Variants in GBA2 observed in about 807,000 individuals in gnomAD.
The protein encoded by GBA2 is non-lysosomal glucosylceramidase.
Under a neutral mutation model 112.9 loss-of-function variants are expected in GBA2, and 79 were observed. The observed-to-expected ratio is 0.70, with a 90% CI of 0.58 to 0.84. GBA2 has a LOEUF of 0.84. GBA2 is among the 40% of genes least tolerant of loss of function. The pLI is 0.00. For missense variants in GBA2, 1,043 were observed against 1,190.0 expected (o/e 0.88, Z 1.82); for synonymous variants, 403 against 434.3 (o/e 0.93, Z 0.90).
Position 35,738,618 on chromosome 9 carries a change from A to G in GBA2, c.1962T>C (p.Ser654=). The change falls in exon 13 of 17, where the codon TCT becomes TCC. Residue 654 remains serine (S), a synonymous_variant. Coordinates refer to ENST00000378103, the MANE Select transcript of GBA2 (RefSeq NM_020944.3). ...CATGGTCCTTGTCAAACTTCATTTC[A>G]GATTCCATCACAGCCTAGAGAGGGA... ...MWPVCLAVME[S]EMKFDKDHDG... is the part of the protein sequence containing the mutation. The G allele has an allele frequency of 6.2e-7, 1 of 1,613,488 alleles. No individual in the cohort carries two copies. Among genetic ancestry groups the G allele is most frequent in the Non-Finnish European group, 8.5e-7 (1 of 1,179,386 alleles).
In GBA2 at chr9:35,744,342, C is replaced by T. The variant is rs1826864808; in HGVS notation, c.522G>A (p.Gln174=). 3 of 1,613,322 alleles carry T rather than the reference C, an allele frequency of 1.9e-6. No individual in the cohort carries two copies. The highest frequency in any genetic ancestry group is 1.3e-5 in the African/African-American group (1 of 74,910). The change falls in exon 3 of 17, where the codon CAG becomes CAA. Residue 174 remains glutamine (Q), a synonymous_variant. Coordinates refer to ENST00000378103, the MANE Select transcript of GBA2 (RefSeq NM_020944.3). ...GGTGCTGATACATTCCAGGGTTAAGCTGCCAACGACAGAACTGGCCTCTCC... is the reference window on the plus strand; with the variant it reads ...GGTGCTGATACATTCCAGGGTTAAGTTGCCAACGACAGAACTGGCCTCTCC... ...RGWRGQFCRW[Q]LNPGMYQHRT...
chr9:35,740,757 A>T lies in GBA2; in HGVS notation c.1026+68T>A. 1 of 1,587,176 alleles carries T rather than the reference A, an allele frequency of 6.3e-7. No homozygotes were observed. The highest frequency in any genetic ancestry group is 8.6e-7 in the Non-Finnish European group (1 of 1,158,682). On this transcript the variant is annotated intron_variant, in intron 5 of 16. Transcript: ENST00000378103. The surrounding 1 kb of genome is among the most constrained non-coding windows in gnomAD (Gnocchi z 4.7). ...GCTTACAGGAGTATGATGAGGGTGG[A>T]TGAAGAGACCATGCTGGGGTGGAGG...
Position 35,748,701 on chromosome 9 carries a change from C to G in GBA2, c.4G>C (p.Gly2Arg). The G allele has an allele frequency of 6.5e-7, 1 of 1,542,184 alleles. No individual in the cohort carries two copies. Among genetic ancestry groups the G allele is most frequent in the Non-Finnish European group, 8.8e-7 (1 of 1,139,302 alleles). The stretch of plus-strand genomic sequence containing the variant: ...CCCATGTTCCCTGGATCCTGGGTCC[C>G]CATGACCTCGATGGCGCCAAGTCCC... M[G>R]TQDPGNMGTG... Residue 2 changes from glycine (G) to arginine (R), a missense_variant, in exon 1 of 17, where the codon GGG becomes CGG. Coordinates refer to ENST00000378103, the MANE Select transcript of GBA2 (RefSeq NM_020944.3).
chr9:35,741,580 G>A lies in GBA2; in HGVS notation c.786+92C>T. The A allele has an allele frequency of 1.2e-6, 1 of 868,576 alleles. No homozygotes were observed. Among genetic ancestry groups the A allele is most frequent in the East Asian group, 2.4e-5 (1 of 41,384 alleles). The allele number at this position is 868,576 out of a possible 1,614,324, so 53.8% of individuals were successfully genotyped here. On this transcript the variant is annotated intron_variant, in intron 4 of 16. Coordinates refer to ENST00000378103, the MANE Select transcript of GBA2 (RefSeq NM_020944.3). This position sits in a 1 kb window ranked among gnomAD's most constrained non-coding sequence, Gnocchi z 4.6. Reference sequence around the variant, plus strand: ...CCCAAAGTGTTGGGATTACAGGCGTGAGCTACCGCGCCTCGCAGGCCATGC... The same window carrying A: ...CCCAAAGTGTTGGGATTACAGGCGTAAGCTACCGCGCCTCGCAGGCCATGC...
rs912152927 is a variant in GBA2, at chr9:35,741,872, G to A, written c.586C>T (p.Arg196Trp). The change falls in exon 4 of 17, where the codon CGG becomes TGG. Residue 196 changes from arginine (R) to tryptophan (W), a missense_variant. Transcript: ENST00000378103. The surrounding 1 kb of genome is among the most constrained non-coding windows in gnomAD (Gnocchi z 4.6). Reference sequence around the variant, plus strand: ...TGCTGGTACACAGTCTGCCCTTCCCGACGCAGGCACACTGTGAACTTAAGA... The same window carrying A: ...TGCTGGTACACAGTCTGCCCTTCCCAACGCAGGCACACTGTGAACTTAAGA... ...IADQFTVCLR[R>W]EGQTVYQQVL... 7 of 1,613,412 alleles carry A rather than the reference G, an allele frequency of 4.3e-6. No homozygotes were observed. Among genetic ancestry groups the A allele is most frequent in the Non-Finnish European group, 5.9e-6 (7 of 1,179,482 alleles).
At position 35,740,315 on chromosome 9, in the gene GBA2, A is replaced by T. The variant is rs753011667; in HGVS notation, c.1177T>A (p.Cys393Ser). Residue 393 changes from cysteine to serine, a missense_variant, in exon 7 of 17, where the codon TGT (cysteine) becomes AGT (serine). Coordinates refer to ENST00000378103, the MANE Select transcript of GBA2 (RefSeq NM_020944.3). The surrounding 1 kb of genome is among the most constrained non-coding windows in gnomAD (Gnocchi z 4.7). ...CGAGGTCGCAACTTGCTGGAAACAC[A>T]CACAGCTCCAGCAATGCCTACTCCT... is the stretch of plus-strand genomic sequence containing the variant. ...QKGVGIAGAV[C>S]VSSKLRPRGQ... The T allele has an allele frequency of 6.2e-7, 1 of 1,613,894 alleles. No homozygotes were observed. Among genetic ancestry groups the T allele is most frequent in the Non-Finnish European group, 8.5e-7 (1 of 1,179,900 alleles).
In GBA2 at chr9:35,737,491, C is replaced by G; in HGVS notation, c.2506-44G>C. Reference sequence around the variant, plus strand: ...GTCATACATACTAACTTGGCACCCTCTGAAGAGCCACTTCCACTGGATAGA... The same window carrying G: ...GTCATACATACTAACTTGGCACCCTGTGAAGAGCCACTTCCACTGGATAGA... On this transcript the variant is annotated intron_variant, in intron 16 of 16. Coordinates refer to ENST00000378103, the MANE Select transcript of GBA2 (RefSeq NM_020944.3). This position sits in a 1 kb window ranked among gnomAD's most constrained non-coding sequence, Gnocchi z 4.1. The G allele has an allele frequency of 6.3e-7, 1 of 1,597,392 alleles. No homozygotes were observed. Among genetic ancestry groups the G allele is most frequent in the Admixed American group, 1.7e-5 (1 of 57,146 alleles).
chr9:35,748,406 GGT>G lies in GBA2; in HGVS notation c.297_298del (p.Lys99AsnfsTer5). On this transcript the variant is annotated frameshift_variant, in exon 1 of 17. Coordinates refer to ENST00000378103, the MANE Select transcript of GBA2 (RefSeq NM_020944.3). LOFTEE classifies it high-confidence loss of function. ...TAGGGAGACGTTGTTAGCTTGAAAG[GGT>G]TTCCTCTTCTCTGTAAACTCATGAG... is the stretch of plus-strand genomic sequence containing the variant. 2 of 1,614,120 alleles carry G rather than the reference GGT, an allele frequency of 1.2e-6. No homozygotes were observed. The highest frequency in any genetic ancestry group is 1.7e-6 in the Non-Finnish European group (2 of 1,179,998).
Position 35,737,214 on chromosome 9 carries a change from AG to A in GBA2, c.2738del (p.Pro913LeufsTer12). Reference protein sequence around the residue: ...VKQGTGLRTGPMFGPKEAMAN... With the variant: ...VKQGTGLRTGXMFGPKEAMAN... The stretch of plus-strand genomic sequence containing the variant: ...CCATGGCTTCCTTTGGTCCAAACAT[AG>A]GCCCTGTCCTTAGTCCTGTGCCCTG... On this transcript the variant is annotated frameshift_variant, in exon 17 of 17. Coordinates refer to ENST00000378103, the MANE Select transcript of GBA2 (RefSeq NM_020944.3). LOFTEE classifies it high-confidence loss of function. This position sits in a 1 kb window ranked among gnomAD's most constrained non-coding sequence, Gnocchi z 4.1. The A allele has an allele frequency of 6.2e-7, 1 of 1,612,372 alleles. No homozygotes were observed. Among genetic ancestry groups the A allele is most frequent in the Non-Finnish European group, 8.5e-7 (1 of 1,180,020 alleles).
chr9:35,738,817 C>T lies in GBA2; in HGVS notation c.1882G>A (p.Val628Ile), dbSNP rs371925764. 1 of 1,614,126 alleles carries T rather than the reference C, an allele frequency of 6.2e-7. No homozygotes were observed. Among genetic ancestry groups the T allele is most frequent in the African/African-American group, 1.3e-5 (1 of 75,054 alleles). ...KDLNLKFVLQ[V>I]YRDYYLTGDQ... Reference sequence around the variant, plus strand: ...CCCGTGAGGTAATAGTCCCGATAAACCTGCAGCACAAACTTCAGGTTCAGG... The same window carrying T: ...CCCGTGAGGTAATAGTCCCGATAAATCTGCAGCACAAACTTCAGGTTCAGG... Residue 628 changes from valine (V) to isoleucine (I), a missense_variant, in exon 12 of 17, where the codon GTT (valine) becomes ATT (isoleucine). By Grantham distance (29) the Val-to-Ile change is conservative (BLOSUM62 3). Coordinates refer to ENST00000378103, the MANE Select transcript of GBA2 (RefSeq NM_020944.3).
intron 2 of GBA2, 61 bp downstream of exon 2, chr9:35,744,550 CCTAA>C: frequency 8.9e-7 from 1 of 1,125,748 alleles, no homozygotes; most frequent in Non-Finnish European, 1.4e-6. Flanking sequence ...GAAGTCTCTT[CCTAA>C]CTGTGGTAGA....
chr9:35,737,975 C>G lies in GBA2; in HGVS notation c.2314-36G>C, dbSNP rs746694187. On this transcript the variant is annotated intron_variant, in intron 15 of 16. Coordinates refer to ENST00000378103, the MANE Select transcript of GBA2 (RefSeq NM_020944.3). This position sits in a 1 kb window ranked among gnomAD's most constrained non-coding sequence, Gnocchi z 4.1. ...AAGGGCAGGAACATGGTCTCATATACTTACTTCCCACCTCCAGGGAAAACC... is the reference window on the plus strand; with the variant it reads ...AAGGGCAGGAACATGGTCTCATATAGTTACTTCCCACCTCCAGGGAAAACC... 3 of 1,601,796 alleles carry G rather than the reference C, an allele frequency of 1.9e-6. No individual in the cohort carries two copies. Among genetic ancestry groups the G allele is most frequent in the Non-Finnish European group, 2.6e-6 (3 of 1,172,826 alleles).
Position 35,741,888 on chromosome 9 carries a change from GAACTT to G in GBA2, c.568-3_569del. On this transcript the variant is annotated splice_acceptor_variant and splice_polypyrimidine_tract_variant and coding_sequence_variant and intron_variant, in exon 4 of 17. Transcript: ENST00000378103. LOFTEE classifies it high-confidence loss of function. The surrounding 1 kb of genome is among the most constrained non-coding windows in gnomAD (Gnocchi z 4.6). ...GCCCTTCCCGACGCAGGCACACTGTGAACTTAAGAGGGCAGATAGGCTGGAACGGG... is the reference window on the plus strand; with the variant it reads ...GCCCTTCCCGACGCAGGCACACTGTGAAGAGGGCAGATAGGCTGGAACGGG... The G allele has an allele frequency of 6.2e-7, 1 of 1,610,470 alleles. No individual in the cohort carries two copies. The highest frequency in any genetic ancestry group is 8.5e-7 in the Non-Finnish European group (1 of 1,176,784).
Position 35,740,410 on chromosome 9 carries a change from G to A in GBA2, c.1130-48C>T. The stretch of plus-strand genomic sequence containing the variant: ...CAGGACAGGAGCCCCTTCAGCCCCA[G>A]GGATAGGGATCCCTAACATGGAAAC... On this transcript the variant is annotated intron_variant, in intron 6 of 16. Coordinates refer to ENST00000378103, the MANE Select transcript of GBA2 (RefSeq NM_020944.3). This position sits in a 1 kb window ranked among gnomAD's most constrained non-coding sequence, Gnocchi z 4.7. 1 of 1,602,634 alleles carries A rather than the reference G, an allele frequency of 6.2e-7. No homozygotes were observed. Among genetic ancestry groups the A allele is most frequent in the Non-Finnish European group, 8.5e-7 (1 of 1,173,270 alleles).
At chr9:35,744,809 G>A in intron 1 of GBA2, 103 bp from the exon 2 acceptor site, 1 of 718,132 alleles carries the variant, frequency 1.4e-6, no homozygotes. Context: ...ATGTCCCAAG[G>A]ACATCTGCTT....
At position 35,741,214 on chromosome 9, in the gene GBA2, G is replaced by A. The variant is rs1182811351; in HGVS notation, c.787-150C>T. ...CCACTTGCATCTCCCCATATTCCCA[G>A]GCAAGCTGCCTAGCAGGGAATATAG... is the stretch of plus-strand genomic sequence containing the variant. On this transcript the variant is annotated intron_variant, in intron 4 of 16. Transcript: ENST00000378103. The surrounding 1 kb of genome is among the most constrained non-coding windows in gnomAD (Gnocchi z 4.6). 3 of 820,414 alleles carry A rather than the reference G, an allele frequency of 3.7e-6. No individual in the cohort carries two copies. Among genetic ancestry groups the A allele is most frequent in the Non-Finnish European group, 5.6e-6 (3 of 531,082 alleles). The allele number at this position is 820,414 out of a possible 1,614,324, so 50.8% of individuals were successfully genotyped here.
chr9:35,739,132 A>C, intron 10 of GBA2, 23 bp from the exon 11 acceptor site: 1 of 1,516,860 alleles, frequency 6.6e-7, no homozygotes, highest in Non-Finnish European at 9.1e-7. Flanking sequence ...CACAGAAGGG[A>C]GGCAGGGAAT....
chr9:35,737,344 C>T lies in GBA2; in HGVS notation c.2609G>A (p.Arg870Gln), dbSNP rs199510198. Residue 870 changes from arginine to glutamine, a missense_variant, in exon 17 of 17, where the codon CGA becomes CAA. Arg to Gln is a conservative substitution (Grantham distance 43). Coordinates refer to ENST00000378103, the MANE Select transcript of GBA2 (RefSeq NM_020944.3). This position sits in a 1 kb window ranked among gnomAD's most constrained non-coding sequence, Gnocchi z 4.1. The stretch of plus-strand genomic sequence containing the variant: ...CATGTAGGCCAGTGAGCGGAACACT[C>T]GCTGCTGGCAGTATGCCTCTGGGGT... ...FQTPEAYCQQ[R>Q]VFRSLAYMRP... 488 of 1,614,060 alleles carry T rather than the reference C, an allele frequency of 3.0e-4. No individual in the cohort carries two copies. Among genetic ancestry groups the T allele is most frequent in the Middle Eastern group, 6.6e-4 (4 of 6,084 alleles).
At chr9:35,739,523 C>A in intron 9 of GBA2, 104 bp from the exon 10 acceptor site, 1 of 1,296,344 alleles carries the variant, frequency 7.7e-7, no homozygotes, top group South Asian at 1.3e-5. Context: ...TGTTACTAGT[C>A]CACACCCAAC....
Sources: gnomAD v4.1 joint callset for allele counts on GRCh38, gnomAD v4.1.1 for gene constraint, Gnocchi (gnomAD v3.1) non-coding constraint, MANE v1.5 for transcripts, NCBI Gene and HGNC (gene_info 2026-07-23, HGNC 2026-07-21) for gene names.